Variants in PAWR observed in about 807,000 individuals in gnomAD.
The protein encoded by PAWR is PRKC apoptosis WT1 regulator protein.
A neutral mutation model predicts 32.0 loss-of-function variants in PAWR; 23 were observed. That is an observed-to-expected ratio of 0.72 (90% CI 0.52 to 1.02). The LOEUF (loss-of-function observed/expected upper bound fraction) is 1.02, where lower values mean the gene tolerates loss of function less well. Ranked by LOEUF, PAWR falls within the 50% of genes least tolerant of loss-of-function variation. The pLI, the probability that PAWR is intolerant of heterozygous loss-of-function variation, is 0.00. For synonymous variants in PAWR, 226 were observed against 187.1 expected, an observed-to-expected ratio of 1.21 and a Z score of -1.70; for missense variants, 457 against 437.7, an observed-to-expected ratio of 1.04 and a Z score of -0.39.
intron 2 of PAWR, among the ~76,000 whole-genome samples, chr12:79,661,950 T>C (rs1386534316): frequency 6.6e-6 from 1 of 152,068 alleles, no homozygotes; most frequent in South Asian, 2.1e-4. Flanking sequence ...AACCTAAATG[T>C]TGCCACTTTA....
rs74262476 is a variant in PAWR, at chr12:79,630,858, C to CA, written c.517-9652dup. 5.9e-3 allele frequency among the ~76,000 whole-genome samples: 618 copies of CA among 105,382 alleles called. 1 individual carries two copies. Among genetic ancestry groups the CA allele is most frequent in the East Asian group, 0.015 (53 of 3,574 alleles). 69.1% of individuals were successfully genotyped at this position (105,382 alleles called of 152,430 possible). ...GCCAACAATGCTCTGGTACCAAAAC[C>CA]AAAAAAAAAAAAAAAATTCTAAAAT... On this transcript the variant is annotated intron_variant, in intron 2 of 6. Coordinates refer to ENST00000328827, the MANE Select transcript of PAWR (RefSeq NM_002583.4).
intron 2 of PAWR, among the ~76,000 whole-genome samples, chr12:79,677,210 A>C (rs1878213283): frequency 6.6e-6 from 1 of 152,204 alleles, no homozygotes. Context: ...TATTCTGTAG[A>C]CATTAAGAAT....
intron 2 of PAWR, among the ~76,000 whole-genome samples, chr12:79,660,615 G>A (rs181374815): frequency 9.9e-5 from 14 of 140,882 alleles, no homozygotes; most frequent in African/African-American, 3.7e-4. Context: ...ATGGAGTCTC[G>A]TTCTGTTGCC....
At chr12:79,606,005 C>T (rs1466759639) in intron 4 of PAWR, among the ~76,000 whole-genome samples, 3 of 151,948 alleles carry the variant, frequency 2.0e-5, no homozygotes, top group Admixed American at 6.6e-5. Flanking sequence ...ACCCACAACG[C>T]GGGGGTTGCA....
chr12:79,641,076 T>A (rs184796493), intron 2 of PAWR, among the ~76,000 whole-genome samples: 2 of 152,236 alleles, frequency 1.3e-5, no homozygotes, highest in Non-Finnish European at 2.9e-5. Context: ...GTTAGGTTCA[T>A]TTTAACTTTC....
intron 4 of PAWR, among the ~76,000 whole-genome samples, chr12:79,601,207 ATTTTTTTTTT>A (rs534042888): frequency 1.7e-5 from 2 of 118,494 alleles, no homozygotes; most frequent in Non-Finnish European, 3.4e-5. Context: ...GGAAACCTGA[ATTTTTTTTTT>A]TTTTTTTTTT....
intron 2 of PAWR, among the ~76,000 whole-genome samples, chr12:79,627,110 C>T (rs567876951): frequency 4.6e-5 from 7 of 152,226 alleles, no homozygotes; most frequent in South Asian, 2.1e-4. Context: ...TACCCAGTAA[C>T]GGCATGGCTG....
In PAWR at chr12:79,586,789, A is replaced by T. The variant is rs564121074; in HGVS notation, c.*5818T>A. ...GTCATAACAGATTTTTGAAAGTGACAGTAAAATTATGCATTTGGTCCAGGA... is the reference window on the plus strand; with the variant it reads ...GTCATAACAGATTTTTGAAAGTGACTGTAAAATTATGCATTTGGTCCAGGA... On this transcript the variant is annotated 3_prime_UTR_variant, in exon 7 of 7. Transcript: ENST00000328827. 1 of 152,302 alleles carries T rather than the reference A, an allele frequency of 6.6e-6. No individual in the cohort carries two copies. Among genetic ancestry groups the T allele is most frequent in the Non-Finnish European group, 1.5e-5 (1 of 68,010 alleles). 9.4% of individuals were successfully genotyped at this position (152,302 alleles called of 1,614,324 possible).
intron 2 of PAWR, among the ~76,000 whole-genome samples, chr12:79,670,534 A>G (rs904149208): frequency 2.0e-5 from 3 of 152,196 alleles, no homozygotes; most frequent in Non-Finnish European, 4.4e-5. Context: ...AAAATGCCAA[A>G]AATATCTCAT....
chr12:79,623,629 TAA>T (rs1361551004), intron 2 of PAWR, among the ~76,000 whole-genome samples: 1 of 135,402 alleles, frequency 7.4e-6, no homozygotes, highest in Non-Finnish European at 1.5e-5. Flanking sequence ...AAAAAAGCTA[TAA>T]GACTTTACTG....
intron 4 of PAWR, among the ~76,000 whole-genome samples, chr12:79,602,057 TA>T (rs900705556): frequency 8.5e-5 from 13 of 152,214 alleles, no homozygotes; most frequent in African/African-American, 3.1e-4. Context: ...TTAAACTAGA[TA>T]ACTCATAAAT....
At chr12:79,606,893 G>T (rs1874206673) in intron 4 of PAWR, among the ~76,000 whole-genome samples, 1 of 151,854 alleles carries the variant, frequency 6.6e-6, no homozygotes, top group Non-Finnish European at 1.5e-5. Context: ...TTAACTAAAT[G>T]GAAAGTACTT....
chr12:79,604,147 A>G, intron 4 of PAWR: 1 of 736,356 alleles, frequency 1.4e-6, no homozygotes, highest in South Asian at 6.1e-5. Context: ...AGTGCAAAAT[A>G]CTCAGAATAA....
rs573812659 is a variant in PAWR, at chr12:79,606,737, T to C, written c.683+6838A>G. Among the ~76,000 whole-genome samples, 17 of 152,274 alleles carry C rather than the reference T, an allele frequency of 1.1e-4. No homozygotes were observed. In the South Asian group the frequency reaches 3.3e-3, roughly 30 times the overall value. ...CCTACCCATGCTAGGCAAATTAACA[T>C]TACTACCATGAGGTAATGCAACATA... On this transcript the variant is annotated intron_variant, in intron 4 of 6. Coordinates refer to ENST00000328827, the MANE Select transcript of PAWR (RefSeq NM_002583.4).
chr12:79,690,570 C>A (rs1056787552), intron 1 of PAWR, 179 bp from the exon 2 acceptor site: 33 of 239,364 alleles, frequency 1.4e-4, no homozygotes, highest in Admixed American at 4.0e-4. Context: ...AGTACGGACC[C>A]CGACGATCGC....
At chr12:79,656,193 T>A (rs1375985466) in intron 2 of PAWR, among the ~76,000 whole-genome samples, 2 of 152,228 alleles carry the variant, frequency 1.3e-5, no homozygotes, top group Admixed American at 6.5e-5. Context: ...TTAAATATAT[T>A]TTGGACTTGT....
chr12:79,638,220 A>C (rs1876061144), intron 2 of PAWR, among the ~76,000 whole-genome samples: 1 of 151,914 alleles, frequency 6.6e-6, no homozygotes, highest in Non-Finnish European at 1.5e-5. Context: ...ACTCTCACCA[A>C]ATATATTAGG....
chr12:79,611,527 C>G (rs1874441110), intron 4 of PAWR, among the ~76,000 whole-genome samples: 1 of 151,620 alleles, frequency 6.6e-6, no homozygotes, highest in Non-Finnish European at 1.5e-5. Flanking sequence ...ATGAAAATAA[C>G]AAACTGTTGA....
rs115591647 is a variant in PAWR at position 79,645,562 on chromosome 12, G to A, written c.517-24355C>T. 5.6e-3 allele frequency among the ~76,000 whole-genome samples: 860 copies of A among 152,260 alleles called. 10 individuals are homozygous for A. The highest frequency in any genetic ancestry group is 0.017 in the African/African-American group (722 of 41,548). ...AACTGAAATCCAGCTGTGGCCTAAGGAGTCCAGTTTCTCTGCAGCTCTCTC... is the reference window on the plus strand; with the variant it reads ...AACTGAAATCCAGCTGTGGCCTAAGAAGTCCAGTTTCTCTGCAGCTCTCTC... On this transcript the variant is annotated intron_variant, in intron 2 of 6. Transcript: ENST00000328827.
Sources: gnomAD v4.1 joint callset for allele counts (sites outside exome capture counted in the v4.1 genomes callset) on GRCh38, gnomAD v4.1.1 for gene constraint, MANE v1.5 for transcripts, NCBI Gene and HGNC (gene_info 2026-07-23, HGNC 2026-07-21) for gene names.